The following FAM131A variants were observed in gnomAD, a reference collection of about 807,000 sequenced individuals.
FAM131A encodes the protein protein FAM131A.
In FAM131A, 24 loss-of-function variants were observed where a neutral mutation model predicts 39.2. The ratio of observed to expected loss-of-function variants is 0.61; its 90% confidence interval spans 0.44 to 0.86. The LOEUF (loss-of-function observed/expected upper bound fraction) is 0.86. Ranked by LOEUF, FAM131A falls within the 40% of genes least tolerant of loss-of-function variation. The pLI is 0.00. For synonymous variants in FAM131A, 202 were observed against 206.8 expected, an observed-to-expected ratio of 0.98 and a Z score of 0.20; for missense variants, 373 against 481.2, an observed-to-expected ratio of 0.78 and a Z score of 2.10.
In FAM131A at chr3:184,345,443, G is replaced by A. The variant is rs1577294413; in HGVS notation, c.*473G>A. 1.5e-6 allele frequency: 1 copy of A among 686,660 alleles called. No individual in the cohort carries two copies. The highest frequency in any genetic ancestry group is 1.8e-5 in the African/African-American group (1 of 55,966). The allele number at this position is 686,660 out of a possible 1,614,324, so 42.5% of individuals were successfully genotyped here. On this transcript the variant is annotated 3_prime_UTR_variant, in exon 6 of 6. Transcript: ENST00000383847. Reference sequence around the variant, plus strand: ...TGATAGAATCACCCCCACCTGGAGGGGCTGGCTCCTGCCCTCCCGGAGCCT... The same window carrying A: ...TGATAGAATCACCCCCACCTGGAGGAGCTGGCTCCTGCCCTCCCGGAGCCT...
chr3:184,342,791 TC>T lies in FAM131A; in HGVS notation c.557del (p.Ser186PhefsTer150). 1 of 1,613,924 alleles carries T rather than the reference TC, an allele frequency of 6.2e-7. No homozygotes were observed. Among genetic ancestry groups the T allele is most frequent in the East Asian group, 2.2e-5 (1 of 44,858 alleles). ...CGCGGAAGCCAAGCTCCGAGCATGG[TC>T]TTCGGTGGATGGCGAGGACTCCACT... ...AIAEAKLRAW[S>X]SVDGEDSTDD... On this transcript the variant is annotated frameshift_variant, in exon 5 of 6. Coordinates refer to ENST00000383847, the MANE Select transcript of FAM131A (RefSeq NM_144635.5). LOFTEE classifies it high-confidence loss of function. This position sits in a 1 kb window ranked among gnomAD's most constrained non-coding sequence, Gnocchi z 4.6.
intron 5 of FAM131A, among the ~76,000 whole-genome samples, chr3:184,343,454 T>C (rs1304316080): frequency 6.6e-6 from 1 of 152,238 alleles, no homozygotes; most frequent in Non-Finnish European, 1.5e-5. Context: ...CCTCCTTTCA[T>C]CTTTCATTCC....
At position 184,342,723 on chromosome 3, in the gene FAM131A, T is replaced by C. The variant is rs777602901; in HGVS notation, c.509-21T>C. On this transcript the variant is annotated intron_variant, in intron 4 of 5. Coordinates refer to ENST00000383847, the MANE Select transcript of FAM131A (RefSeq NM_144635.5). The surrounding 1 kb of genome is among the most constrained non-coding windows in gnomAD (Gnocchi z 4.6). Reference sequence around the variant, plus strand: ...AGACTTAGCTCACCTTCTCTGCTTATGCATTCTGTCCCTGCGACAGGAGTG... The same window carrying C: ...AGACTTAGCTCACCTTCTCTGCTTACGCATTCTGTCCCTGCGACAGGAGTG... 20 of 1,603,888 alleles carry C rather than the reference T, an allele frequency of 1.2e-5. No homozygotes were observed. The highest frequency in any genetic ancestry group is 1.7e-5 in the Non-Finnish European group (20 of 1,171,830).
At position 184,341,782 on chromosome 3, in the gene FAM131A, A is replaced by C; in HGVS notation, c.290A>C (p.Gln97Pro). ...AAGTCCCGGCGAGCCCTAACTATCC[A>C]GGAGATCGCTGCGCTGGCCAGGTCC... ...LPKSRRALTIQEIAALARSSL... is the reference protein window; with the variant it reads ...LPKSRRALTIPEIAALARSSL... The change falls in exon 3 of 6, where the codon CAG becomes CCG. Residue 97 changes from glutamine to proline, a missense_variant. By Grantham distance (76) the Gln-to-Pro change is moderately conservative. Coordinates refer to ENST00000383847, the MANE Select transcript of FAM131A (RefSeq NM_144635.5). The C allele has an allele frequency of 6.2e-7, 1 of 1,613,908 alleles. No homozygotes were observed. The highest frequency in any genetic ancestry group is 8.5e-7 in the Non-Finnish European group (1 of 1,180,034).
At chr3:184,336,442 C>A (rs1366780011), upstream of FAM131A, among the ~76,000 whole-genome samples, 1 of 152,200 alleles carries the variant, frequency 6.6e-6, no homozygotes, top group African/African-American at 2.4e-5. The surrounding 1 kb of genome is among the most constrained non-coding windows in gnomAD (Gnocchi z 5.5). Flanking sequence ...CCGATGCCCC[C>A]ACCACTCCAG....
chr3:184,336,924 G>A (rs565552675), upstream of FAM131A, among the ~76,000 whole-genome samples: 30 of 152,336 alleles, frequency 2.0e-4, no homozygotes, highest in African/African-American at 6.7e-4. The surrounding 1 kb of genome is among the most constrained non-coding windows in gnomAD (Gnocchi z 5.5). Flanking sequence ...CCTTTACTCC[G>A]GTGTGGTGGA....
intron 3 of FAM131A, 88 bp downstream of exon 3, chr3:184,341,905 G>C: frequency 6.6e-7 from 1 of 1,522,656 alleles, no homozygotes; most frequent in Non-Finnish European, 9.1e-7. Flanking sequence ...GTGAGTACAT[G>C]CTGGGGTCTC....
At chr3:184,341,558 C>G (rs1727378751) in intron 2 of FAM131A, 166 bp from the exon 3 acceptor site, 5 of 618,886 alleles carry the variant, frequency 8.1e-6, no homozygotes, top group South Asian at 1.9e-5. Context: ...CATAATTCAC[C>G]TGTCCTAGCT....
chr3:184,344,472 C>T, intron 5 of FAM131A, 23 bp from the exon 6 acceptor site: 10 of 1,513,298 alleles, frequency 6.6e-6, no homozygotes, highest in Non-Finnish European at 8.8e-6. Context: ...GCAGGACTGT[C>T]TTCTTTTCTC....
Position 184,337,728 on chromosome 3 carries a change from G to A in FAM131A, c.88+10G>A. 6.5e-7 allele frequency: 1 copy of A among 1,537,090 alleles called. No homozygotes were observed. The highest frequency in any genetic ancestry group is 8.7e-7 in the Non-Finnish European group (1 of 1,146,712). ...CAGACAAGTCGCAGAGGTGAGACCA[G>A]GGATCATGGATGTGATCTGGGAGAT... is the stretch of plus-strand genomic sequence containing the variant. On this transcript the variant is annotated intron_variant, in intron 1 of 5. Transcript: ENST00000383847.
At chr3:184,343,152 A>G (rs1157259544) in intron 5 of FAM131A, 6 of 251,276 alleles carry the variant, frequency 2.4e-5, no homozygotes, top group Non-Finnish European at 4.6e-5. Context: ...AAGCCGAAAG[A>G]CCTCAAGGAC....
chr3:184,338,581 G>C (rs1272526979), intron 2 of FAM131A, 52 bp downstream of exon 2: 2 of 1,518,500 alleles, frequency 1.3e-6, no homozygotes, highest in Admixed American at 2.1e-5. Flanking sequence ...ATATAAAGGG[G>C]ATCTGCAGCC....
At chr3:184,338,768 G>C (rs900203194) in intron 2 of FAM131A, 1 of 498,568 alleles carries the variant, frequency 2.0e-6, no homozygotes, top group Non-Finnish European at 3.5e-6. Flanking sequence ...CGTATCCCGG[G>C]AGACCCTGTT....
chr3:184,338,726 G>A (rs1727239000), intron 2 of FAM131A, 197 bp downstream of exon 2: 4 of 612,480 alleles, frequency 6.5e-6, no homozygotes, highest in Admixed American at 3.6e-5. Context: ...GAGAGCTCGC[G>A]CCTTCCGCGC....
intron 2 of FAM131A, chr3:184,340,314 A>ATTT (rs3064292): frequency 0.062 from 4,668 of 75,824 alleles, 353 homozygotes; most frequent in East Asian, 0.16. Flanking sequence ...CAGCCTATGC[A>ATTT]TTTTTTTTTT....
chr3:184,338,671 C>T (rs1057437992), intron 2 of FAM131A, 142 bp downstream of exon 2: 2 of 1,107,248 alleles, frequency 1.8e-6, no homozygotes, highest in Non-Finnish European at 1.3e-6. Flanking sequence ...GCCGGGAGGC[C>T]GCCCCCGTGC....
intron 3 of FAM131A, 77 bp from the exon 4 acceptor site, chr3:184,341,989 C>T (rs1308315252): frequency 6.4e-7 from 1 of 1,572,580 alleles, no homozygotes; most frequent in Non-Finnish European, 8.8e-7. Context: ...CTAACTACTG[C>T]CACCCTTCCA....
At chr3:184,337,432 G>A (rs1727170275), upstream of FAM131A, 6 of 591,956 alleles carry the variant, frequency 1.0e-5, no homozygotes, top group East Asian at 1.4e-4. Flanking sequence ...AGCTCCCCGA[G>A]TCCCAGAGAG....
In FAM131A at chr3:184,342,600, C is replaced by T; in HGVS notation, c.509-144C>T. ...GGATTACAGGCATAAGCCACCACAC[C>T]CGGCCAGGGCTGCTTTCTTATCTCC... On this transcript the variant is annotated intron_variant, in intron 4 of 5. Coordinates refer to ENST00000383847, the MANE Select transcript of FAM131A (RefSeq NM_144635.5). This position sits in a 1 kb window ranked among gnomAD's most constrained non-coding sequence, Gnocchi z 4.6. 4.1e-6 allele frequency: 3 copies of T among 737,202 alleles called. No homozygotes were observed. The highest frequency in any genetic ancestry group is 6.6e-6 in the Non-Finnish European group (3 of 455,798). The allele number at this position is 737,202 out of a possible 1,614,324, so 45.7% of individuals were successfully genotyped here.
Sources: allele counts gnomAD v4.1 joint callset (sites outside exome capture counted in the v4.1 genomes callset), GRCh38; gene constraint gnomAD v4.1.1; non-coding constraint Gnocchi (gnomAD v3.1); transcripts MANE v1.5; gene names NCBI Gene and HGNC (gene_info 2026-07-23, HGNC 2026-07-21).